The following ATP2B2 variants were observed in gnomAD, a reference collection of about 807,000 sequenced individuals.
ATP2B2 encodes plasma membrane calcium-transporting ATPase 2.
Under a neutral mutation model 120.0 loss-of-function variants are expected in ATP2B2, and 15 were observed. The ratio of observed to expected loss-of-function variants is 0.12; its 90% CI spans 0.08 to 0.19. The LOEUF is 0.19. Ranked by LOEUF, ATP2B2 falls within the 10% of genes least tolerant of loss-of-function variation. The probability of loss-of-function intolerance (pLI) is 1.00; values close to 1 mark genes in which losing one functional copy is unlikely to be tolerated. For synonymous variants in ATP2B2, 694 were observed against 700.3 expected, an observed-to-expected ratio of 0.99 and a Z score of 0.14; for missense variants, 1,045 against 1,719.8, an observed-to-expected ratio of 0.61 and a Z score of 6.94.
chr3:10,456,394 A>T (rs2064261012), intron 1 of ATP2B2, among the ~76,000 whole-genome samples: 1 of 152,184 alleles, frequency 6.6e-6, no homozygotes, highest in South Asian at 2.1e-4. Flanking sequence ...ATCCCCAGTG[A>T]TGGAAGCCTA....
intron 1 of ATP2B2, among the ~76,000 whole-genome samples, chr3:10,631,595 C>G (rs918279290): frequency 6.6e-6 from 1 of 152,160 alleles, no homozygotes; most frequent in Non-Finnish European, 1.5e-5. Flanking sequence ...TGCAAGGGGG[C>G]TACTGTGGAC....
intron 4 of ATP2B2, 41 bp from the exon 5 acceptor site, chr3:10,401,119 T>C (rs1559288265): frequency 6.2e-7 from 1 of 1,611,298 alleles, no homozygotes; most frequent in Middle Eastern, 1.7e-4. Flanking sequence ...GGCTCTCAGG[T>C]GACTAGAGGG....
At chr3:10,424,185 C>A (rs1339125124) in intron 2 of ATP2B2, among the ~76,000 whole-genome samples, 4 of 152,180 alleles carry the variant, frequency 2.6e-5, no homozygotes, top group Non-Finnish European at 4.4e-5. Flanking sequence ...TTCTCCTGGC[C>A]ATTCTGTAAG....
chr3:10,352,233 G>A (rs1350380863), intron 14 of ATP2B2, among the ~76,000 whole-genome samples: 1 of 152,232 alleles, frequency 6.6e-6, no homozygotes, highest in East Asian at 1.9e-4. Context: ...CAGGAGGGCA[G>A]GGGCCATGGG....
intron 2 of ATP2B2, among the ~76,000 whole-genome samples, chr3:10,433,970 T>C (rs2063400734): frequency 1.3e-5 from 2 of 152,210 alleles, no homozygotes; most frequent in South Asian, 2.1e-4. Context: ...GCTATATACC[T>C]AGCTCCTAGG....
At chr3:10,475,359 C>T (rs2065164671) in intron 1 of ATP2B2, among the ~76,000 whole-genome samples, 1 of 152,236 alleles carries the variant, frequency 6.6e-6, no homozygotes, top group African/African-American at 2.4e-5. Flanking sequence ...TACTATTGCT[C>T]TGTCTTGTTT....
chr3:10,446,153 A>T (rs1252947986), intron 2 of ATP2B2, among the ~76,000 whole-genome samples: 1 of 152,162 alleles, frequency 6.6e-6, no homozygotes, highest in Non-Finnish European at 1.5e-5. Flanking sequence ...TTCCAGGAAC[A>T]TGTGTCATAG....
intron 1 of ATP2B2, among the ~76,000 whole-genome samples, chr3:10,697,112 C>T (rs1172800079): frequency 6.6e-6 from 1 of 152,148 alleles, no homozygotes; most frequent in Non-Finnish European, 1.5e-5. Flanking sequence ...GACCATGGCT[C>T]CTCAAGCCCA....
At chr3:10,333,314 G>A (rs2060030362) in intron 22 of ATP2B2, among the ~76,000 whole-genome samples, 1 of 152,150 alleles carries the variant, frequency 6.6e-6, no homozygotes, top group Non-Finnish European at 1.5e-5. Context: ...GAAGGCTGGT[G>A]GGGTGCGGTG....
At position 10,407,876 on chromosome 3, in the gene ATP2B2, C is replaced by G. The variant is rs541134915; in HGVS notation, c.397+2742G>C. On this transcript the variant is annotated intron_variant, in intron 3 of 22. Coordinates refer to ENST00000360273, the MANE Select transcript of ATP2B2 (RefSeq NM_001001331.4). ...TCACAAGATCTCCACAGGGCAAGTG[C>G]TATCATTCACCCCCTTTTATGGATG... 2.0e-5 allele frequency among the ~76,000 whole-genome samples: 3 copies of G among 152,292 alleles called. No homozygotes were observed. The East Asian group carries it at 5.8e-4, about 29-fold the overall frequency.
Position 10,599,402 on chromosome 3 carries a change from T to C in ATP2B2, c.-415+20515A>G, listed in dbSNP as rs1467537335. On this transcript the variant is annotated intron_variant, in intron 2 of 21. Transcript: ENST00000646379. ...CATGCTCCCGGACCCTCCTCTTCAC[T>C]AGGAAGCTTTCCCCTCCCTGCAGGG... Among the ~76,000 whole-genome samples the C allele has an allele frequency of 2.6e-5, 4 of 152,292 alleles. No individual in the cohort carries two copies. The South Asian group carries it at 8.3e-4, about 32-fold the overall frequency.
intron 2 of ATP2B2, among the ~76,000 whole-genome samples, chr3:10,608,868 C>A (rs2069152621): frequency 6.6e-6 from 1 of 152,172 alleles, no homozygotes; most frequent in East Asian, 1.9e-4. Flanking sequence ...TACTAAATCC[C>A]CTGGTGCCTA....
At chr3:10,349,998 CA>C (rs1304715169) in intron 16 of ATP2B2, 113 bp downstream of exon 16, 9 of 1,087,408 alleles carry the variant, frequency 8.3e-6, no homozygotes, top group Non-Finnish European at 1.1e-5. Context: ...TGTGGAGAGT[CA>C]GGGGCGAGGG....
At chr3:10,429,647 T>C (rs955006291) in intron 2 of ATP2B2, among the ~76,000 whole-genome samples, 1 of 152,150 alleles carries the variant, frequency 6.6e-6, no homozygotes, top group African/African-American at 2.4e-5. Context: ...ATACTGAAGT[T>C]TGACCAATTA....
chr3:10,420,391 C>T (rs1247109987), intron 2 of ATP2B2, among the ~76,000 whole-genome samples: 2 of 150,020 alleles, frequency 1.3e-5, no homozygotes, highest in Non-Finnish European at 3.0e-5. Context: ...GACGAAGTCT[C>T]GCTCTTGTCC....
intron 2 of ATP2B2, among the ~76,000 whole-genome samples, chr3:10,606,095 G>A (rs2069057612): frequency 1.3e-5 from 2 of 152,198 alleles, no homozygotes; most frequent in African/African-American, 4.8e-5. Context: ...TCCAGCCTGG[G>A]TGCAGAGCAA....
intron 2 of ATP2B2, among the ~76,000 whole-genome samples, chr3:10,572,924 C>G (rs748581904): frequency 2.0e-5 from 3 of 152,194 alleles, no homozygotes; most frequent in Non-Finnish European, 4.4e-5. Context: ...AGTGCTCTTT[C>G]TATTCTACCA....
At position 10,648,286 on chromosome 3, in the gene ATP2B2, T is replaced by G. The variant is rs932982445; in HGVS notation, c.-459-28325A>C. On this transcript the variant is annotated intron_variant, in intron 1 of 21. Transcript: ENST00000646379. ...CTCCACCTGGAGACAATCTCTTCCC[T>G]TGGCTGCCCTGACTAACACCTTCCC... 2.0e-5 allele frequency among the ~76,000 whole-genome samples: 3 copies of G among 152,148 alleles called. No individual in the cohort carries two copies. The East Asian group carries it at 5.8e-4, about 29-fold the overall frequency.
At chr3:10,350,285 C>A in intron 15 of ATP2B2, 86 bp from the exon 16 acceptor site, 1 of 1,581,952 alleles carries the variant, frequency 6.3e-7, no homozygotes, top group South Asian at 1.1e-5. Flanking sequence ...TGCCCAGAGT[C>A]ACTGGGCTCT....
Sources: allele counts gnomAD v4.1 joint callset (sites outside exome capture counted in the v4.1 genomes callset), GRCh38; gene constraint gnomAD v4.1.1; transcripts MANE v1.5; gene names NCBI Gene and HGNC (gene_info 2026-07-23, HGNC 2026-07-21).